The following C4orf54 variants were observed in gnomAD, a reference collection of about 807,000 sequenced individuals.
C4orf54 encodes the protein uncharacterized protein C4orf54.
A neutral mutation model predicts 80.1 loss-of-function variants in C4orf54; 67 were observed. That is an observed-to-expected ratio of 0.84 (90% CI 0.69 to 1.03). The LOEUF (loss-of-function observed/expected upper bound fraction) is 1.03. C4orf54 is among the 50% of genes least tolerant of loss of function. The pLI is 0.00. For missense variants in C4orf54, 2,434 were observed against 2,253.5 expected (o/e 1.08, Z -1.62); for synonymous variants, 1,000 against 917.0 (o/e 1.09, Z -1.64).
Position 99,653,216 on chromosome 4 carries a change from G to C in C4orf54, c.1433C>G (p.Pro478Arg). 2 of 1,534,834 alleles carry C rather than the reference G, an allele frequency of 1.3e-6. No homozygotes were observed. Among genetic ancestry groups the C allele is most frequent in the Non-Finnish European group, 1.7e-6 (2 of 1,146,014 alleles). The change falls in exon 2 of 3, where the codon CCC becomes CGC. Residue 478 changes from proline (P) to arginine (R), a missense_variant. By Grantham distance (103) the Pro-to-Arg change is moderately radical. Coordinates refer to ENST00000511828, the MANE Select transcript of C4orf54 (RefSeq NM_001354435.2). ...EVGSGPSDSG[P>R]TPPPTGPGTA... ...GCCAGGCCCAGTGGGTGGGGGAGTGGGGCCACTGTCAGAGGGGCCACTGCC... is the reference window on the plus strand; with the variant it reads ...GCCAGGCCCAGTGGGTGGGGGAGTGCGGCCACTGTCAGAGGGGCCACTGCC...
chr4:99,646,006 A>G (rs1207942047), intron 2 of C4orf54, among the ~76,000 whole-genome samples: 1 of 152,312 alleles, frequency 6.6e-6, no homozygotes, highest in East Asian at 1.9e-4. Flanking sequence ...GATGAAGAGA[A>G]GTGAGAAAAC....
chr4:99,657,502 G>A lies in C4orf54; in HGVS notation c.-39C>T, dbSNP rs1443545086. On this transcript the variant is annotated 5_prime_UTR_variant, in exon 1 of 3. Transcript: ENST00000511828. ...TCTGACAGTAGTACTTACCTCCAAAGTATCTGTGTGGCTCCTTTACTGCTT... is the reference window on the plus strand; with the variant it reads ...TCTGACAGTAGTACTTACCTCCAAAATATCTGTGTGGCTCCTTTACTGCTT... Among the ~76,000 whole-genome samples the A allele has an allele frequency of 6.6e-6, 1 of 152,190 alleles. No individual in the cohort carries two copies. Among genetic ancestry groups the A allele is most frequent in the Non-Finnish European group, 1.5e-5 (1 of 68,036 alleles).
Position 99,650,856 on chromosome 4 carries a change from C to T in C4orf54, c.3793G>A (p.Glu1265Lys), listed in dbSNP as rs1326198463. 1.3e-6 allele frequency: 2 copies of T among 1,536,092 alleles called. No homozygotes were observed. Among genetic ancestry groups the T allele is most frequent in the East Asian group, 2.4e-5 (1 of 40,924 alleles). ...TTCCTGTTGAAGCTGTACAGCTCTT[C>T]CATGGACCTCACGGCTGCAGTCAGC... is the stretch of plus-strand genomic sequence containing the variant. ...EKLTAAVRSM[E>K]ELYSFNRNEW... The change falls in exon 2 of 3, where the codon GAA becomes AAA. Residue 1265 changes from glutamate to lysine, a missense_variant. Physicochemically the swap from Glu to Lys is moderately conservative, Grantham distance 56. Coordinates refer to ENST00000511828, the MANE Select transcript of C4orf54 (RefSeq NM_001354435.2).
chr4:99,639,146 T>C lies in C4orf54; in HGVS notation c.*2087A>G, dbSNP rs1396749115. 6.6e-6 allele frequency: 1 copy of C among 152,162 alleles called. No homozygotes were observed. The highest frequency in any genetic ancestry group is 1.5e-5 in the Non-Finnish European group (1 of 68,002). 9.4% of individuals were successfully genotyped at this position (152,162 alleles called of 1,614,324 possible). A position where few individuals can be genotyped will look rare whatever the true frequency, so the allele number is the denominator to read the frequency against. Reference sequence around the variant, plus strand: ...GTTGGTGAGCAGTCACTACTCAACATGGCCACTGGTTTTTCCTGAAAGTCG... The same window carrying C: ...GTTGGTGAGCAGTCACTACTCAACACGGCCACTGGTTTTTCCTGAAAGTCG... On this transcript the variant is annotated 3_prime_UTR_variant, in exon 3 of 3. Transcript: ENST00000511828.
At position 99,651,544 on chromosome 4, in the gene C4orf54, A is replaced by C. The variant is rs1157883432; in HGVS notation, c.3105T>G (p.Ser1035Arg). ...TGAAGTCTGAGCTCGGCTGCTGCAC[A>C]CTCCCCAGCCGGATCTTGATTTCGG... Reference protein sequence around the residue: ...KAPEIKIRLGSVQQPSSDFNI... With the variant: ...KAPEIKIRLGRVQQPSSDFNI... Residue 1035 changes from serine (S) to arginine (R), a missense_variant, in exon 2 of 3, where the codon AGT becomes AGG. Transcript: ENST00000511828. The C allele has an allele frequency of 2.0e-6, 3 of 1,535,306 alleles. No homozygotes were observed. The highest frequency in any genetic ancestry group is 1.7e-6 in the Non-Finnish European group (2 of 1,146,794).
chr4:99,650,647 C>G lies in C4orf54; in HGVS notation c.4002G>C (p.Gly1334=), dbSNP rs1324559978. ...TGNKAGVVLR[G]APIERLQRRN... ...TCCGCTGCAGACGTTCTATGGGGGC[C>G]CCTCGCAGGACCACACCAGCTTTGT... The change falls in exon 2 of 3, where the codon GGG becomes GGC. Residue 1334 remains glycine (G), a synonymous_variant. Transcript: ENST00000511828. The G allele has an allele frequency of 2.0e-6, 3 of 1,536,032 alleles. No individual in the cohort carries two copies. Among genetic ancestry groups the G allele is most frequent in the South Asian group, 1.2e-5 (1 of 84,042 alleles).
chr4:99,645,052 C>T (rs529198713), intron 2 of C4orf54, among the ~76,000 whole-genome samples: 4 of 151,830 alleles, frequency 2.6e-5, no homozygotes, highest in East Asian at 1.9e-4. Context: ...CCAGCCTGGG[C>T]GATGTAGTGA....
rs2110251639 is a variant in C4orf54 at position 99,649,341 on chromosome 4, G to C, written c.5308C>G (p.Pro1770Ala). Residue 1770 changes from proline (P) to alanine (A), a missense_variant, in exon 2 of 3, where the codon CCC becomes GCC. Pro to Ala is a conservative substitution (Grantham distance 27). Coordinates refer to ENST00000511828, the MANE Select transcript of C4orf54 (RefSeq NM_001354435.2). ...GKPVISITSQ[P>A]LGPRIIAPPS... ...GGAGCAATGATCCGTGGCCCCAGGG[G>C]CTGCGAAGTAATGCTGATGACAGGC... is the stretch of plus-strand genomic sequence containing the variant. 1 of 1,536,110 alleles carries C rather than the reference G, an allele frequency of 6.5e-7. No homozygotes were observed. Among genetic ancestry groups the C allele is most frequent in the Non-Finnish European group, 8.7e-7 (1 of 1,146,900 alleles).
At chr4:99,643,746 A>C (rs1560634856) in intron 2 of C4orf54, among the ~76,000 whole-genome samples, 1 of 61,794 alleles carries the variant, frequency 1.6e-5, no homozygotes, top group African/African-American at 7.4e-5. Flanking sequence ...CACAACACAC[A>C]CACACACACA....
At chr4:99,644,332 T>A (rs574482374) in intron 2 of C4orf54, among the ~76,000 whole-genome samples, 1 of 152,154 alleles carries the variant, frequency 6.6e-6, no homozygotes, top group South Asian at 2.1e-4. Context: ...AAAGAAAATG[T>A]AAAGGTAATG....
At position 99,636,971 on chromosome 4, in the gene C4orf54, A is replaced by G. The variant is rs187624576; in HGVS notation, c.*4262T>C. 1.3e-5 allele frequency: 2 copies of G among 152,270 alleles called. No individual in the cohort carries two copies. The highest frequency in any genetic ancestry group is 6.5e-5 in the Admixed American group (1 of 15,288). 9.4% of individuals were successfully genotyped at this position (152,270 alleles called of 1,614,324 possible). A position where few individuals can be genotyped will look rare whatever the true frequency, so the allele number is the denominator to read the frequency against. On this transcript the variant is annotated 3_prime_UTR_variant, in exon 3 of 3. Transcript: ENST00000511828. The stretch of plus-strand genomic sequence containing the variant: ...ACAATTTACTCTCCTTTTTTCCAAC[A>G]TAACTTCTACAGTGTTCACATTCTT...
At position 99,650,054 on chromosome 4, in the gene C4orf54, C is replaced by T; in HGVS notation, c.4595G>A (p.Trp1532Ter). 6.5e-7 allele frequency: 1 copy of T among 1,535,878 alleles called. No homozygotes were observed. Among genetic ancestry groups the T allele is most frequent in the Non-Finnish European group, 8.7e-7 (1 of 1,146,856 alleles). ...SQVSGTSRPAWRTKPDNPRET... is the reference protein window; with the variant it reads ...SQVSGTSRPA ...CCGGGGGTTGTCAGGTTTGGTACGC[C>T]AAGCTGGTCGGCTGGTTCCACTAAC... is the stretch of plus-strand genomic sequence containing the variant. The change falls in exon 2 of 3, where the codon TGG becomes TAG. Residue 1532 changes from tryptophan to a stop codon, truncating the protein, a stop_gained. Transcript: ENST00000511828. LOFTEE classifies it low-confidence loss of function (END_TRUNC).
chr4:99,642,394 A>T (rs1726621372), intron 2 of C4orf54, among the ~76,000 whole-genome samples: 1 of 152,204 alleles, frequency 6.6e-6, no homozygotes, highest in Admixed American at 6.5e-5. Flanking sequence ...TTAAGGGGAA[A>T]CAGAGAGAAA....
At position 99,652,602 on chromosome 4, in the gene C4orf54, T is replaced by C. The variant is rs1267095253; in HGVS notation, c.2047A>G (p.Ser683Gly). 2.6e-6 allele frequency: 4 copies of C among 1,535,828 alleles called. No homozygotes were observed. The African/African-American group carries it at 5.5e-5, about 21-fold the overall frequency. ...GARVEQSLLR[S>G]SAASVAAGLR... ...CCTGCAGCCACAGAGGCCGCGCTGC[T>C]CCTGAGGAGGCTCTGCTCCACCCTG... The change falls in exon 2 of 3, where the codon AGC (serine) becomes GGC (glycine). Residue 683 changes from serine (S) to glycine (G), a missense_variant. Transcript: ENST00000511828.
Position 99,652,066 on chromosome 4 carries a change from G to GC in C4orf54, c.2582dup (p.Leu862ProfsTer62), listed in dbSNP as rs1560639606. The GC allele has an allele frequency of 6.5e-7, 1 of 1,536,134 alleles. No individual in the cohort carries two copies. The highest frequency in any genetic ancestry group is 1.2e-5 in the South Asian group (1 of 84,060). ...AGTGACGAGAGCTCTGCCTCTGCAG[G>GC]CCCCTCTCTCGCTGCCTCTCGCTCC... On this transcript the variant is annotated frameshift_variant, in exon 2 of 3. Coordinates refer to ENST00000511828, the MANE Select transcript of C4orf54 (RefSeq NM_001354435.2). LOFTEE classifies it high-confidence loss of function.
In C4orf54 at chr4:99,638,222, T is replaced by C. The variant is rs774022008; in HGVS notation, c.*3011A>G. ...TTATTTACTCCCTGATAAATGGACATATAGAGAGCCTCTCTGCTATGTCAT... is the reference window on the plus strand; with the variant it reads ...TTATTTACTCCCTGATAAATGGACACATAGAGAGCCTCTCTGCTATGTCAT... On this transcript the variant is annotated 3_prime_UTR_variant, in exon 3 of 3. Transcript: ENST00000511828. 6.6e-6 allele frequency: 1 copy of C among 152,152 alleles called. No homozygotes were observed. The highest frequency in any genetic ancestry group is 1.5e-5 in the Non-Finnish European group (1 of 67,990). 9.4% of individuals were successfully genotyped at this position (152,152 alleles called of 1,614,324 possible).
At position 99,653,051 on chromosome 4, in the gene C4orf54, G is replaced by A. The variant is rs764033883; in HGVS notation, c.1598C>T (p.Pro533Leu). 6.5e-7 allele frequency: 1 copy of A among 1,536,220 alleles called. No individual in the cohort carries two copies. Among genetic ancestry groups the A allele is most frequent in the South Asian group, 1.2e-5 (1 of 84,068 alleles). Residue 533 changes from proline to leucine, a missense_variant, in exon 2 of 3, where the codon CCT (proline) becomes CTT (leucine). By Grantham distance (98) the Pro-to-Leu change is moderately conservative. Coordinates refer to ENST00000511828, the MANE Select transcript of C4orf54 (RefSeq NM_001354435.2). ...GTTTTGCTTTGCACGCACGTTGCTA[G>A]GCTCATTTATAGCCCGGGAAGCCGG... ...IKPASRAINEPSNVRAKQNII... is the reference protein window; with the variant it reads ...IKPASRAINELSNVRAKQNII...
intron 2 of C4orf54, among the ~76,000 whole-genome samples, chr4:99,642,499 T>G (rs1249722188): frequency 1.3e-5 from 2 of 152,218 alleles, no homozygotes; most frequent in Non-Finnish European, 2.9e-5. Context: ...GGATCATATT[T>G]AGGGATTGAT....
rs553747344 is a variant in C4orf54, at chr4:99,641,611, T to G, written c.*37-415A>C. Among the ~76,000 whole-genome samples, 6 of 152,302 alleles carry G rather than the reference T, an allele frequency of 3.9e-5. No individual in the cohort carries two copies. In the East Asian group the frequency reaches 1.2e-3, roughly 29 times the overall value. On this transcript the variant is annotated intron_variant, in intron 2 of 2. Transcript: ENST00000511828. Reference sequence around the variant, plus strand: ...AATCTTATTAAATGAGTAAACTCCATGCTGAGAATTCTTGTAAAGCAAATG... The same window carrying G: ...AATCTTATTAAATGAGTAAACTCCAGGCTGAGAATTCTTGTAAAGCAAATG...
Sources: allele counts gnomAD v4.1 joint callset (sites outside exome capture counted in the v4.1 genomes callset), GRCh38; gene constraint gnomAD v4.1.1; transcripts MANE v1.5; gene names NCBI Gene and HGNC (gene_info 2026-07-23, HGNC 2026-07-21).